Variants in DLGAP1 observed in about 807,000 individuals in gnomAD.
The protein encoded by DLGAP1 is DLG associated protein 1, also known as disks large-associated protein 1.
DLGAP1 carries 11 observed loss-of-function variants against 90.8 expected under a neutral mutation model. The observed-to-expected ratio is 0.12, with a 90% CI of 0.08 to 0.20. DLGAP1 has a LOEUF of 0.20. Ranked by LOEUF, DLGAP1 falls within the 10% of genes least tolerant of loss-of-function variation. The probability of loss-of-function intolerance (pLI) is 1.00; values close to 1 mark genes in which losing one functional copy is unlikely to be tolerated. For missense variants in DLGAP1, 1,050 were observed against 1,333.8 expected, an observed-to-expected ratio of 0.79 and a Z score of 3.31; for synonymous variants, 558 against 540.7, an observed-to-expected ratio of 1.03 and a Z score of -0.44.
intron 1 of DLGAP1, among the ~76,000 whole-genome samples, chr18:4,290,649 T>C (rs960282255): frequency 6.6e-6 from 1 of 152,222 alleles, no homozygotes; most frequent in African/African-American, 2.4e-5. Flanking sequence ...ATTTAAATTG[T>C]TGATTAAAGT....
chr18:4,203,988 C>T (rs1598613901), intron 1 of DLGAP1, among the ~76,000 whole-genome samples: 1 of 152,170 alleles, frequency 6.6e-6, no homozygotes, highest in South Asian at 2.1e-4. Flanking sequence ...ACACAAGAAG[C>T]TTAGGATTTA....
intron 4 of DLGAP1, among the ~76,000 whole-genome samples, chr18:3,851,344 A>G (rs2069330143): frequency 6.6e-6 from 1 of 152,184 alleles, no homozygotes; most frequent in African/African-American, 2.4e-5. Context: ...TGTGACAGGC[A>G]GCCTGTGAAG....
chr18:4,129,806 A>G (rs1041716112), intron 2 of DLGAP1, among the ~76,000 whole-genome samples: 1 of 152,150 alleles, frequency 6.6e-6, no homozygotes, highest in Admixed American at 6.5e-5. Flanking sequence ...TTCTTGCTAA[A>G]ATAGTTAATT....
At chr18:4,239,998 T>C (rs1212790081) in intron 1 of DLGAP1, among the ~76,000 whole-genome samples, 2 of 152,162 alleles carry the variant, frequency 1.3e-5, no homozygotes, top group African/African-American at 4.8e-5. Flanking sequence ...TTTCATCTTC[T>C]TAGTCTTTCA....
intron 1 of DLGAP1, among the ~76,000 whole-genome samples, chr18:4,203,641 C>A (rs759600007): frequency 6.6e-6 from 1 of 152,102 alleles, no homozygotes; most frequent in Non-Finnish European, 1.5e-5. Flanking sequence ...AGAAAACAAC[C>A]ACTCTTTCTT....
At chr18:3,725,498 G>T (rs1004496326) in intron 7 of DLGAP1, among the ~76,000 whole-genome samples, 2 of 152,056 alleles carry the variant, frequency 1.3e-5, no homozygotes, top group African/African-American at 2.4e-5. Context: ...AAGGGTTCTT[G>T]TTTTTTCAGT....
chr18:3,593,263 G>T (rs995232329), intron 7 of DLGAP1, among the ~76,000 whole-genome samples: 1 of 152,246 alleles, frequency 6.6e-6, no homozygotes, highest in Admixed American at 6.5e-5. Flanking sequence ...ATTTGGAGTG[G>T]TCAACAAGGG....
At chr18:3,997,012 T>C (rs890374988) in intron 3 of DLGAP1, among the ~76,000 whole-genome samples, 3 of 148,668 alleles carry the variant, frequency 2.0e-5, no homozygotes, top group African/African-American at 7.4e-5. Context: ...GGATTAGAAA[T>C]ATAAGTTGCA....
At chr18:4,151,504 CA>C (rs2076674190) in intron 1 of DLGAP1, among the ~76,000 whole-genome samples, 1 of 151,994 alleles carries the variant, frequency 6.6e-6, no homozygotes, top group Non-Finnish European at 1.5e-5. Context: ...AGAAAAAAAA[CA>C]ATGTTGCTGT....
chr18:4,012,272 A>T (rs2074438220), intron 2 of DLGAP1, among the ~76,000 whole-genome samples: 1 of 152,170 alleles, frequency 6.6e-6, no homozygotes, highest in Admixed American at 6.5e-5. Flanking sequence ...TACGCATAGC[A>T]CAGACTTTAG....
intron 1 of DLGAP1, among the ~76,000 whole-genome samples, chr18:4,225,264 G>C (rs150452430): frequency 6.6e-6 from 1 of 152,038 alleles, no homozygotes; most frequent in East Asian, 1.9e-4. Flanking sequence ...TATGGTTGCA[G>C]TGACCTAAAA....
intron 7 of DLGAP1, among the ~76,000 whole-genome samples, chr18:3,601,658 C>CA (rs2057031797): frequency 6.6e-6 from 1 of 151,958 alleles, no homozygotes; most frequent in Admixed American, 6.6e-5. Context: ...GCCTGACCAA[C>CA]ATGGTGAAAC....
intron 7 of DLGAP1, among the ~76,000 whole-genome samples, chr18:3,592,161 G>A (rs2056282006): frequency 1.3e-5 from 2 of 152,212 alleles, no homozygotes; most frequent in Admixed American, 6.5e-5. Context: ...GCCAGAGAAA[G>A]AGCTCCAACG....
chr18:3,659,208 A>G (rs2146568155), intron 7 of DLGAP1, among the ~76,000 whole-genome samples: 1 of 152,292 alleles, frequency 6.6e-6, no homozygotes, highest in East Asian at 1.9e-4. Context: ...AACGAGTGGG[A>G]AAGATCATTT....
At chr18:4,197,698 G>A (rs1482817469) in intron 1 of DLGAP1, among the ~76,000 whole-genome samples, 1 of 152,176 alleles carries the variant, frequency 6.6e-6, no homozygotes, top group African/African-American at 2.4e-5. Flanking sequence ...CTCCAGACAA[G>A]CTGCCCACAG....
rs1417110060 is a variant in DLGAP1, at chr18:4,222,368, C to T, written c.-266-71081G>A. Among the ~76,000 whole-genome samples the T allele has an allele frequency of 2.0e-5, 3 of 152,200 alleles. 1 individual carries two copies. The South Asian group carries it at 6.2e-4, about 32-fold the overall frequency. ...AAACTCCATGAGGCAGAGCCCGTGC[C>T]CATTTTTGAATCTTGGAGTACCTGA... On this transcript the variant is annotated intron_variant, in intron 1 of 12. Coordinates refer to ENST00000315677, the MANE Select transcript of DLGAP1 (RefSeq NM_004746.4).
intron 5 of DLGAP1, among the ~76,000 whole-genome samples, chr18:3,778,961 A>G (rs1232478517): frequency 6.6e-6 from 1 of 152,068 alleles, no homozygotes; most frequent in Non-Finnish European, 1.5e-5. Flanking sequence ...AACCCAGTCT[A>G]TCCCAACCTG....
intron 5 of DLGAP1, among the ~76,000 whole-genome samples, chr18:3,790,712 A>G (rs1253618832): frequency 6.6e-6 from 1 of 152,208 alleles, no homozygotes; most frequent in Non-Finnish European, 1.5e-5. Context: ...TAAATTGGAT[A>G]TATCCACGAA....
chr18:4,358,102 C>T (rs988296712), intron 1 of DLGAP1, among the ~76,000 whole-genome samples: 4 of 152,194 alleles, frequency 2.6e-5, no homozygotes, highest in Admixed American at 2.6e-4. Flanking sequence ...GAAGAAGTCC[C>T]TGTTCTAGAC....
Sources: allele counts gnomAD v4.1 joint callset (sites outside exome capture counted in the v4.1 genomes callset), GRCh38; gene constraint gnomAD v4.1.1; transcripts MANE v1.5; gene names NCBI Gene and HGNC (gene_info 2026-07-23, HGNC 2026-07-21).